RAB2A: variants seen among roughly 807,000 people sequenced by gnomAD.
The protein encoded by RAB2A is ras-related protein Rab-2A.
A neutral mutation model predicts 32.5 loss-of-function variants in RAB2A; 7 were observed. The observed-to-expected ratio is 0.22, with a 90% CI of 0.12 to 0.40. The LOEUF (loss-of-function observed/expected upper bound fraction) is 0.40. Ranked by LOEUF, RAB2A falls within the 10% of genes least tolerant of loss-of-function variation. RAB2A has a pLI of 1.00. For synonymous variants in RAB2A, 79 were observed against 85.2 expected (o/e 0.93, Z 0.40); for missense variants, 108 against 260.7 (o/e 0.41, Z 4.03).
At chr8:60,575,082 T>TTTTTTTG (rs1424946939) in intron 3 of RAB2A, among the ~76,000 whole-genome samples, 2 of 141,046 alleles carry the variant, frequency 1.4e-5, no homozygotes, top group African/African-American at 2.8e-5. Flanking sequence ...TTTGTTTTTG[T>TTTTTTTG]TTTTTTGGGG....
Position 60,622,708 on chromosome 8 carries a change from A to G in RAB2A, c.*1939A>G, listed in dbSNP as rs954452048. The G allele has an allele frequency of 2.6e-5, 4 of 152,248 alleles. No homozygotes were observed. The highest frequency in any genetic ancestry group is 4.8e-5 in the African/African-American group (2 of 41,466). 9.4% of individuals were successfully genotyped at this position (152,248 alleles called of 1,614,324 possible). ...AAGAGAACTTAATGGCAAATAAACA[A>G]CAAACCAGGACATGCATTTTAATAC... On this transcript the variant is annotated 3_prime_UTR_variant, in exon 8 of 8. Coordinates refer to ENST00000262646, the MANE Select transcript of RAB2A (RefSeq NM_002865.3).
At position 60,584,746 on chromosome 8, in the gene RAB2A, C is replaced by T; in HGVS notation, c.293C>T (p.Thr98Ile). 1 of 1,612,768 alleles carries T rather than the reference C, an allele frequency of 6.2e-7. No individual in the cohort carries two copies. The highest frequency in any genetic ancestry group is 1.1e-5 in the South Asian group (1 of 91,000). ...ITRRDTFNHL[T>I]TWLEDARQHS... is the part of the protein sequence containing the mutation. Reference sequence around the variant, plus strand: ...AGGAGAGATACATTCAACCACTTGACAACCTGGTTAGAAGATGCCCGCCAG... The same window carrying T: ...AGGAGAGATACATTCAACCACTTGATAACCTGGTTAGAAGATGCCCGCCAG... The change falls in exon 5 of 8, where the codon ACA becomes ATA. Residue 98 changes from threonine (T) to isoleucine (I), a missense_variant. Around this residue, in one of 4 missense-constraint regions of RAB2A, gnomAD observed 79 missense variants for 199.8 expected, o/e 0.40. Transcript: ENST00000262646.
intron 6 of RAB2A, among the ~76,000 whole-genome samples, chr8:60,614,143 A>AT (rs1804407519): frequency 6.6e-6 from 1 of 151,250 alleles, no homozygotes; most frequent in Non-Finnish European, 1.5e-5. Context: ...ATAGTATCTC[A>AT]TGTTTCCCTT....
At chr8:60,587,348 T>C (rs1052601579) in intron 5 of RAB2A, among the ~76,000 whole-genome samples, 24 of 152,178 alleles carry the variant, frequency 1.6e-4, no homozygotes, top group African/African-American at 5.1e-4. Context: ...TTATACCATT[T>C]ACAAAAATTA....
At chr8:60,523,476 A>G (rs1221604776) in intron 1 of RAB2A, among the ~76,000 whole-genome samples, 1 of 151,956 alleles carries the variant, frequency 6.6e-6, no homozygotes, top group Non-Finnish European at 1.5e-5. Context: ...ACATTCTTAC[A>G]TATGTCTCTT....
chr8:60,574,502 T>G (rs571277326), intron 3 of RAB2A, among the ~76,000 whole-genome samples: 1 of 152,370 alleles, frequency 6.6e-6, no homozygotes, highest in African/African-American at 2.4e-5. Flanking sequence ...AAGGAAAGGT[T>G]AATATAGTAA....
chr8:60,540,067 G>C (rs1277068058), intron 1 of RAB2A, among the ~76,000 whole-genome samples: 1 of 151,482 alleles, frequency 6.6e-6, no homozygotes, highest in Non-Finnish European at 1.5e-5. Context: ...TTGAAAGAAA[G>C]AGTATACAAC....
At chr8:60,595,778 C>T (rs1804012212) in intron 6 of RAB2A, among the ~76,000 whole-genome samples, 1 of 152,182 alleles carries the variant, frequency 6.6e-6, no homozygotes, top group African/African-American at 2.4e-5. Flanking sequence ...TTGGAGACTT[C>T]AGCATCCCTT....
At chr8:60,554,670 T>C (rs1275925502) in intron 1 of RAB2A, among the ~76,000 whole-genome samples, 3 of 152,150 alleles carry the variant, frequency 2.0e-5, no homozygotes, top group Non-Finnish European at 4.4e-5. Flanking sequence ...CCTGGCAACA[T>C]GGTGAAACCC....
At chr8:60,591,993 C>T (rs200028335) in intron 6 of RAB2A, 24 bp downstream of exon 6, 7 of 1,377,522 alleles carry the variant, frequency 5.1e-6, no homozygotes, top group Non-Finnish European at 7.1e-6. Flanking sequence ...CCTTTAAAAT[C>T]TTCATCTTTA....
intron 2 of RAB2A, among the ~76,000 whole-genome samples, chr8:60,562,598 A>G (rs546977473): frequency 6.6e-6 from 1 of 152,316 alleles, no homozygotes; most frequent in African/African-American, 2.4e-5. Context: ...TTCACTATGC[A>G]GAGTCTCAAT....
chr8:60,615,484 A>G (rs1370390639), intron 6 of RAB2A, among the ~76,000 whole-genome samples: 1 of 152,220 alleles, frequency 6.6e-6, no homozygotes, highest in Non-Finnish European at 1.5e-5. Context: ...AGAAACATCT[A>G]TACCTTAAAA....
intron 1 of RAB2A, among the ~76,000 whole-genome samples, chr8:60,553,377 T>C (rs762212208): frequency 6.6e-6 from 1 of 152,238 alleles, no homozygotes; most frequent in Non-Finnish European, 1.5e-5. Context: ...ATTACTTGTA[T>C]GATGCCTTCA....
chr8:60,550,752 A>T (rs1374537011), intron 1 of RAB2A, among the ~76,000 whole-genome samples: 1 of 152,110 alleles, frequency 6.6e-6, no homozygotes, highest in Non-Finnish European at 1.5e-5. Flanking sequence ...GCCTTTTGGA[A>T]TTTAAGTAAA....
intron 1 of RAB2A, among the ~76,000 whole-genome samples, chr8:60,522,083 C>T (rs943470549): frequency 1.4e-4 from 22 of 152,142 alleles, no homozygotes; most frequent in African/African-American, 4.3e-4. Flanking sequence ...GTGGGAAATA[C>T]TAGTGTTCAT....
At chr8:60,586,487 C>G (rs1270016056) in intron 5 of RAB2A, among the ~76,000 whole-genome samples, 1 of 151,224 alleles carries the variant, frequency 6.6e-6, no homozygotes, top group African/African-American at 2.4e-5. Context: ...TTAGCAATAT[C>G]AGGAAAGAAA....
chr8:60,616,787 G>C (rs1324593250), intron 6 of RAB2A, among the ~76,000 whole-genome samples: 7 of 152,216 alleles, frequency 4.6e-5, no homozygotes, highest in African/African-American at 1.7e-4. Context: ...CAGACGTTCA[G>C]ATCTCCTTCA....
rs1005108146 is a variant in RAB2A, at chr8:60,534,915, CT to C, written c.46+17673del. On this transcript the variant is annotated intron_variant, in intron 1 of 7. Transcript: ENST00000262646. ...TAATAAGCCTCATTCACCATTTAAC[CT>C]TTTTTTTTTTCTTGCTTGGCCTTTC... Among the ~76,000 whole-genome samples, 1,428 of 149,838 alleles carry C rather than the reference CT, an allele frequency of 9.5e-3. 22 individuals are homozygous for C. The highest frequency in any genetic ancestry group is 0.03 in the African/African-American group (1,242 of 40,954).
Position 60,620,780 on chromosome 8 carries a change from A to G in RAB2A, c.*11A>G. On this transcript the variant is annotated 3_prime_UTR_variant, in exon 8 of 8. Transcript: ENST00000262646. Reference sequence around the variant, plus strand: ...GGCGGCTGCTGTTGAGTCTGTTTTTACTGTCTAGCTGCCCAACGGGGCCTA... The same window carrying G: ...GGCGGCTGCTGTTGAGTCTGTTTTTGCTGTCTAGCTGCCCAACGGGGCCTA... The G allele has an allele frequency of 6.2e-7, 1 of 1,610,810 alleles. No homozygotes were observed.
Sources: allele counts gnomAD v4.1 joint callset (sites outside exome capture counted in the v4.1 genomes callset), GRCh38; gene constraint gnomAD v4.1.1; regional missense constraint gnomAD v4.1.1; transcripts MANE v1.5; gene names NCBI Gene and HGNC (gene_info 2026-07-23, HGNC 2026-07-21).